Variants in CCDC158 observed in about 807,000 individuals in gnomAD.
CCDC158 encodes the protein coiled-coil domain-containing protein 158.
In CCDC158, 116 loss-of-function variants were observed where a neutral mutation model predicts 138.6. The ratio of observed to expected loss-of-function variants is 0.84; its 90% confidence interval spans 0.72 to 0.98. The LOEUF (loss-of-function observed/expected upper bound fraction) is 0.98, where lower values mean the gene tolerates loss of function less well. Among genes scored for constraint, CCDC158 ranks in the 50% least tolerant of loss-of-function variants. CCDC158 has a pLI of 0.00. For missense variants in CCDC158, 1,265 were observed against 1,306.1 expected (o/e 0.97, Z 0.48); for synonymous variants, 436 against 442.4 (o/e 0.99, Z 0.18).
chr4:76,329,444 C>T lies in CCDC158; in HGVS notation c.2943-477G>A, dbSNP rs561267459. Among the ~76,000 whole-genome samples the T allele has an allele frequency of 2.5e-4, 38 of 152,060 alleles. No individual in the cohort carries two copies. The East Asian group carries it at 5.6e-3, about 22-fold the overall frequency. ...CTAAAAATAAGAAAAATTAGCCGGGCGAGGTGGCGGGAACCTGTAGTCCCG... is the reference window on the plus strand; with the variant it reads ...CTAAAAATAAGAAAAATTAGCCGGGTGAGGTGGCGGGAACCTGTAGTCCCG... On this transcript the variant is annotated intron_variant, in intron 21 of 24. Transcript: ENST00000682701.
chr4:76,364,503 T>C (rs142194488), intron 12 of CCDC158, among the ~76,000 whole-genome samples: 2 of 152,304 alleles, frequency 1.3e-5, no homozygotes, highest in African/African-American at 4.8e-5. Flanking sequence ...ATATAAAATA[T>C]CTTGGTGATC....
intron 13 of CCDC158, among the ~76,000 whole-genome samples, chr4:76,358,408 C>T (rs1409733848): frequency 1.3e-5 from 2 of 152,160 alleles, no homozygotes; most frequent in African/African-American, 4.8e-5. Context: ...CTTTTCTTTT[C>T]TCTAATTTAC....
At chr4:76,314,190 A>T (rs997688191) in intron 24 of CCDC158, among the ~76,000 whole-genome samples, 1 of 152,362 alleles carries the variant, frequency 6.6e-6, no homozygotes, top group East Asian at 1.9e-4. Context: ...TCCCATCCAG[A>T]CACTGCATTC....
rs756061609 is a variant in CCDC158, at chr4:76,384,328, C to T, written c.486G>A (p.Glu162=). Residue 162 remains glutamate, a synonymous_variant, in exon 6 of 25, where the codon GAG becomes GAA. Transcript: ENST00000682701. ...GTGTGTTGCTGTCTTTCAGCATGTC[C>T]TCTTTAAGGCATTTGGCAGCTTCAA... The part of the protein sequence containing the change: ...HELEAAKCLK[E]DMLKDSNTQI... 6.2e-7 allele frequency: 1 copy of T among 1,614,058 alleles called. No individual in the cohort carries two copies. Among genetic ancestry groups the T allele is most frequent in the Non-Finnish European group, 8.5e-7 (1 of 1,179,988 alleles).
intron 9 of CCDC158, among the ~76,000 whole-genome samples, chr4:76,371,924 G>A (rs1157691438): frequency 7.3e-6 from 1 of 136,144 alleles, no homozygotes; most frequent in East Asian, 2.2e-4. Context: ...GGTGACAAAA[G>A]TGAAACTACA....
chr4:76,373,069 G>A (rs1343579529), intron 9 of CCDC158, among the ~76,000 whole-genome samples: 2 of 152,074 alleles, frequency 1.3e-5, no homozygotes, highest in South Asian at 2.1e-4. Context: ...GGCTGGTCTC[G>A]AACTCCTGGC....
chr4:76,397,688 A>T (rs1184382404), intron 3 of CCDC158, among the ~76,000 whole-genome samples: 1 of 152,232 alleles, frequency 6.6e-6, no homozygotes, highest in Non-Finnish European at 1.5e-5. Flanking sequence ...AAAGACACAA[A>T]TATGAATGAT....
Position 76,334,051 on chromosome 4 carries a change from C to T in CCDC158, c.2781G>A (p.Glu927=), listed in dbSNP as rs776544642. 2.5e-6 allele frequency: 4 copies of T among 1,613,610 alleles called. No individual in the cohort carries two copies. Among genetic ancestry groups the T allele is most frequent in the Non-Finnish European group, 3.4e-6 (4 of 1,179,634 alleles). ...EEPAVSLSKT[E]EDGRTSLGAL... is the part of the protein sequence containing the mutation. ...CTCCCAGAGATGTTCTTCCATCTTC[C>T]TCTGTCTTGCTCAGAGACACAGCTG... Residue 927 remains glutamate, a synonymous_variant, in exon 19 of 25, where the codon GAG becomes GAA. Transcript: ENST00000682701.
Position 76,367,564 on chromosome 4 carries a change from T to G in CCDC158, c.1560A>C (p.Thr520=), listed in dbSNP as rs1560432770. 1.6e-5 allele frequency: 26 copies of G among 1,614,232 alleles called. No homozygotes were observed. The highest frequency in any genetic ancestry group is 2.2e-5 in the Non-Finnish European group (26 of 1,180,038). Reference sequence around the variant, plus strand: ...TCAAGTCCACCCGGGAGCGGAGCTTTGTGATCTCTGCATTGGTAGCCTCGA... The same window carrying G: ...TCAAGTCCACCCGGGAGCGGAGCTTGGTGATCTCTGCATTGGTAGCCTCGA... ...RAIEATNAEI[T]KLRSRVDLKL... Residue 520 remains threonine (T), a synonymous_variant, in exon 12 of 25, where the codon ACA becomes ACC. Transcript: ENST00000682701.
At chr4:76,356,604 A>T (rs1723591763) in intron 14 of CCDC158, 2 of 152,190 alleles carry the variant, frequency 1.3e-5, no homozygotes, top group African/African-American at 4.8e-5. Flanking sequence ...AAAGGGCCAA[A>T]CCACACAAAA....
At position 76,316,927 on chromosome 4, in the gene CCDC158, T is replaced by C. The variant is rs1578843528; in HGVS notation, c.3278-3681A>G. ...AAAAAAAAAAAAAAAAAAAAAATGC[T>C]GAGAGAATTCACCAGTACCAAACCA... On this transcript the variant is annotated intron_variant, in intron 24 of 24. Coordinates refer to ENST00000682701, the MANE Select transcript of CCDC158 (RefSeq NM_001394954.1). 5.3e-5 allele frequency among the ~76,000 whole-genome samples: 7 copies of C among 132,766 alleles called. No homozygotes were observed. The South Asian group carries it at 1.6e-3, about 31-fold the overall frequency. 87.1% of individuals were successfully genotyped at this position (132,766 alleles called of 152,430 possible).
Position 76,345,776 on chromosome 4 carries a change from G to C in CCDC158, c.2664+5220C>G, listed in dbSNP as rs568554022. 4.6e-5 allele frequency among the ~76,000 whole-genome samples: 7 copies of C among 152,280 alleles called. No individual in the cohort carries two copies. The East Asian group carries it at 1.2e-3, about 25-fold the overall frequency. On this transcript the variant is annotated intron_variant, in intron 18 of 24. Coordinates refer to ENST00000682701, the MANE Select transcript of CCDC158 (RefSeq NM_001394954.1). ...AAATGGAAAAATATTTGATGCTCAT[G>C]GATAGGAAGAATCAATATCGTGAAA...
In CCDC158 at chr4:76,324,280, C is replaced by T. The variant is rs137874785; in HGVS notation, c.3170-871G>A. On this transcript the variant is annotated intron_variant, in intron 23 of 24. Coordinates refer to ENST00000682701, the MANE Select transcript of CCDC158 (RefSeq NM_001394954.1). The stretch of plus-strand genomic sequence containing the variant: ...TCAGCTCATTGCAACCTCTGCCTCC[C>T]GGGTTCAAGTGATTCTCCTGCCTCA... 4.1e-3 allele frequency among the ~76,000 whole-genome samples: 623 copies of T among 151,680 alleles called. 7 individuals are homozygous for T. The highest frequency in any genetic ancestry group is 0.014 in the African/African-American group (593 of 41,340).
chr4:76,332,370 A>G, intron 20 of CCDC158, 62 bp downstream of exon 20: 1 of 1,389,508 alleles, frequency 7.2e-7, no homozygotes, highest in Non-Finnish European at 1.0e-6. Flanking sequence ...TTCTCAAATT[A>G]CAAGGCCACA....
intron 22 of CCDC158, among the ~76,000 whole-genome samples, chr4:76,327,198 A>G (rs1447577245): frequency 6.6e-6 from 1 of 152,214 alleles, no homozygotes; most frequent in African/African-American, 2.4e-5. Context: ...ATATAAACGA[A>G]GTAAACCTGA....
chr4:76,315,757 C>A (rs1719321646), intron 24 of CCDC158, among the ~76,000 whole-genome samples: 1 of 152,168 alleles, frequency 6.6e-6, no homozygotes, highest in Non-Finnish European at 1.5e-5. Flanking sequence ...TGCTGGTATC[C>A]ACGGCTGGGA....
At chr4:76,400,803 C>G (rs564158342) in intron 3 of CCDC158, among the ~76,000 whole-genome samples, 1 of 152,236 alleles carries the variant, frequency 6.6e-6, no homozygotes, top group Non-Finnish European at 1.5e-5. Context: ...ACAGGGAAGG[C>G]AGTCAGCCTG....
intron 1 of CCDC158, among the ~76,000 whole-genome samples, chr4:76,414,812 C>T (rs1193586647): frequency 6.6e-6 from 1 of 152,230 alleles, no homozygotes; most frequent in Non-Finnish European, 1.5e-5. Context: ...CCGTGTGGAA[C>T]TGTAAGTCCA....
intron 1 of CCDC158, 47 bp from the exon 2 acceptor site, chr4:76,412,179 T>A (rs141410459): frequency 6.6e-6 from 1 of 152,256 alleles, no homozygotes; most frequent in African/African-American, 2.4e-5. Context: ...ATATATTTCA[T>A]TAACTGAAAT....
Sources: gnomAD v4.1 joint callset for allele counts (sites outside exome capture counted in the v4.1 genomes callset) on GRCh38, gnomAD v4.1.1 for gene constraint, MANE v1.5 for transcripts, NCBI Gene and HGNC (gene_info 2026-07-23, HGNC 2026-07-21) for gene names.